ZMYND11: variants seen among roughly 807,000 people sequenced by gnomAD.
The protein encoded by ZMYND11 is zinc finger MYND domain-containing protein 11.
A neutral mutation model predicts 84.9 loss-of-function variants in ZMYND11; 9 were observed. The observed-to-expected ratio is 0.11, with a 90% CI of 0.06 to 0.18. ZMYND11 has a LOEUF of 0.18. Among genes scored for constraint, ZMYND11 ranks in the 10% least tolerant of loss-of-function variants. ZMYND11 has a pLI of 1.00. For synonymous variants in ZMYND11, 250 were observed against 244.1 expected (o/e 1.02, Z -0.23); for missense variants, 409 against 761.0 (o/e 0.54, Z 5.44).
At chr10:155,213 C>G (rs1228270952) in intron 1 of ZMYND11, among the ~76,000 whole-genome samples, 1 of 151,764 alleles carries the variant, frequency 6.6e-6, no homozygotes, top group African/African-American at 2.4e-5. Flanking sequence ...GAAAAGTGTA[C>G]GTAAAAATCT....
intron 1 of ZMYND11, among the ~76,000 whole-genome samples, chr10:160,212 T>C (rs2131471792): frequency 6.6e-6 from 1 of 152,320 alleles, no homozygotes; most frequent in East Asian, 1.9e-4. Flanking sequence ...GTTACACAAA[T>C]TTTTTTGGCT....
At chr10:182,045 T>C (rs1292516392) in intron 2 of ZMYND11, among the ~76,000 whole-genome samples, 1 of 152,240 alleles carries the variant, frequency 6.6e-6, no homozygotes, top group Non-Finnish European at 1.5e-5. Context: ...ATTAAAATCA[T>C]GTAAACATGA....
At chr10:245,687 A>T (rs1951979300) in intron 10 of ZMYND11, among the ~76,000 whole-genome samples, 1 of 152,220 alleles carries the variant, frequency 6.6e-6, no homozygotes, top group South Asian at 2.1e-4. Context: ...TTCCAAGACC[A>T]AGGCCGAATA....
chr10:254,487 T>C lies in ZMYND11; in HGVS notation c.*2017T>C, dbSNP rs1954026166. ...CAAATCATAAAGCTATATCGAGGTG[T>C]TGAGCTTAGCCACTATGCACATTGT... On this transcript the variant is annotated 3_prime_UTR_variant, in exon 15 of 15. Transcript: ENST00000381604. The C allele has an allele frequency of 6.5e-6, 1 of 152,684 alleles. No individual in the cohort carries two copies. The highest frequency in any genetic ancestry group is 1.5e-5 in the Non-Finnish European group (1 of 68,052). 9.5% of individuals were successfully genotyped at this position (152,684 alleles called of 1,614,324 possible). A position where few individuals can be genotyped will look rare whatever the true frequency, so the allele number is the denominator to read the frequency against.
chr10:198,424 T>C (rs1942316797), intron 2 of ZMYND11, among the ~76,000 whole-genome samples: 1 of 152,106 alleles, frequency 6.6e-6, no homozygotes, highest in South Asian at 2.1e-4. Flanking sequence ...TTAACAAAAA[T>C]ATAATTGAAA....
chr10:222,542 T>C (rs1019275036), intron 4 of ZMYND11, among the ~76,000 whole-genome samples: 7 of 152,210 alleles, frequency 4.6e-5, no homozygotes, highest in African/African-American at 1.7e-4. Context: ...TGTAAGAAAT[T>C]AGTGTAAGTG....
chr10:238,946 A>T lies in ZMYND11; in HGVS notation c.610-492A>T, dbSNP rs924707402. Among the ~76,000 whole-genome samples the T allele has an allele frequency of 2.6e-5, 4 of 152,174 alleles. No individual in the cohort carries two copies. In the South Asian group the frequency reaches 8.3e-4, roughly 32 times the overall value. ...CAGGGACACCTGAGATGTTATTTTA[A>T]AATTATTTATAAACCAATTCCTAGC... On this transcript the variant is annotated intron_variant, in intron 6 of 14. Transcript: ENST00000381604.
intron 14 of ZMYND11, among the ~76,000 whole-genome samples, chr10:251,689 T>C (rs1953522999): frequency 6.6e-6 from 1 of 152,152 alleles, no homozygotes; most frequent in African/African-American, 2.4e-5. Context: ...TCTTCTCTTC[T>C]CCCATGACCA....
At chr10:195,239 A>C (rs988702850) in intron 2 of ZMYND11, among the ~76,000 whole-genome samples, 1 of 152,254 alleles carries the variant, frequency 6.6e-6, no homozygotes, top group African/African-American at 2.4e-5. Flanking sequence ...AGACAAATAC[A>C]ATCTGAGAGA....
At chr10:247,099 T>C in intron 11 of ZMYND11, 126 bp downstream of exon 11, 2 of 1,071,450 alleles carry the variant, frequency 1.9e-6, no homozygotes, top group Non-Finnish European at 2.7e-6. Flanking sequence ...ATTTGTAAAG[T>C]GCTCTGCAAA....
chr10:217,396 G>A (rs1946363011), intron 3 of ZMYND11, among the ~76,000 whole-genome samples: 2 of 151,900 alleles, frequency 1.3e-5, no homozygotes, highest in Admixed American at 6.6e-5. Context: ...GGTGGCGCAC[G>A]CCTGTAATTC....
chr10:248,302 C>T (rs368801112), intron 12 of ZMYND11, 34 bp from the exon 13 acceptor site: 26 of 1,594,478 alleles, frequency 1.6e-5, no homozygotes, highest in Non-Finnish European at 1.5e-5. Context: ...TATGTGGCTT[C>T]GTTTGGCGTC....
At chr10:224,916 CATT>C (rs1176746832) in intron 4 of ZMYND11, among the ~76,000 whole-genome samples, 2 of 152,148 alleles carry the variant, frequency 1.3e-5, no homozygotes, top group East Asian at 3.9e-4. Flanking sequence ...GGAGTCTTCT[CATT>C]ATTATTTATT....
chr10:201,895 AT>A (rs1456160694), intron 2 of ZMYND11, among the ~76,000 whole-genome samples: 4 of 152,230 alleles, frequency 2.6e-5, no homozygotes, highest in South Asian at 2.1e-4. Flanking sequence ...TGAAATTAAA[AT>A]AGCAGACTAG....
chr10:148,354 C>T (rs1554755982), intron 1 of ZMYND11: 4 of 148,358 alleles, frequency 2.7e-5, no homozygotes. Context: ...GGGAAGAAGT[C>T]CTAACTTCCT....
chr10:205,810 CGGT>C (rs879723499), intron 2 of ZMYND11, among the ~76,000 whole-genome samples: 9 of 148,676 alleles, frequency 6.1e-5, no homozygotes, highest in Non-Finnish European at 1.0e-4. Context: ...TTTTTTGACT[CGGT>C]GGTTGTTTAT....
At chr10:224,718 G>T (rs1202565369) in intron 4 of ZMYND11, among the ~76,000 whole-genome samples, 1 of 152,018 alleles carries the variant, frequency 6.6e-6, no homozygotes, top group Non-Finnish European at 1.5e-5. Context: ...GTATGTACTC[G>T]ACAGTACCCC....
intron 9 of ZMYND11, 144 bp from the exon 10 acceptor site, chr10:241,877 G>T (rs951377560): frequency 4.6e-5 from 48 of 1,033,622 alleles, no homozygotes; most frequent in Non-Finnish European, 6.5e-5. Flanking sequence ...GTCAATCCCA[G>T]AAAAAAAATC....
At chr10:194,297 C>G (rs1359463671) in intron 2 of ZMYND11, among the ~76,000 whole-genome samples, 1 of 152,060 alleles carries the variant, frequency 6.6e-6, no homozygotes, top group Non-Finnish European at 1.5e-5. Flanking sequence ...CTCAGGCAGA[C>G]TACCCACCTC....
Sources: gnomAD v4.1 joint callset for allele counts (sites outside exome capture counted in the v4.1 genomes callset) on GRCh38, gnomAD v4.1.1 for gene constraint, MANE v1.5 for transcripts, NCBI Gene and HGNC (gene_info 2026-07-23, HGNC 2026-07-21) for gene names.